CACNA2D1: variants seen among roughly 807,000 people sequenced by gnomAD.
CACNA2D1 encodes voltage-dependent calcium channel subunit alpha-2/delta-1.
CACNA2D1 carries 53 observed loss-of-function variants against 171.5 expected under a neutral mutation model. The ratio of observed to expected loss-of-function variants is 0.31; its 90% confidence interval spans 0.25 to 0.39. The LOEUF (loss-of-function observed/expected upper bound fraction) is 0.39, where lower values mean the gene tolerates loss of function less well. Among genes scored for constraint, CACNA2D1 ranks in the 10% least tolerant of loss-of-function variants. The pLI, the probability that CACNA2D1 is intolerant of heterozygous loss-of-function variation, is 1.00. For missense variants in CACNA2D1, 903 were observed against 1,299.8 expected, an observed-to-expected ratio of 0.69 and a Z score of 4.69; for synonymous variants, 442 against 443.1, an observed-to-expected ratio of 1.00 and a Z score of 0.03.
chr7:82,305,345 T>C (rs901326049), intron 3 of CACNA2D1, among the ~76,000 whole-genome samples: 4 of 152,198 alleles, frequency 2.6e-5, no homozygotes, highest in Non-Finnish European at 5.9e-5. Flanking sequence ...TATTTTGATA[T>C]GGCTATTCAG....
At chr7:82,109,595 CT>C (rs1478702372) in intron 6 of CACNA2D1, among the ~76,000 whole-genome samples, 1 of 151,082 alleles carries the variant, frequency 6.6e-6, no homozygotes, top group African/African-American at 2.4e-5. Context: ...AACAATGAAA[CT>C]ATCAAATAAA....
chr7:82,443,681 G>T lies in CACNA2D1; in HGVS notation c.-222C>A. On this transcript the variant is annotated 5_prime_UTR_variant, in exon 1 of 39. Coordinates refer to ENST00000356860, the MANE Select transcript of CACNA2D1 (RefSeq NM_000722.4). ...GCGGGCGGACCCACTAGCGTGCGTC[G>T]GCTGCTCCGCGCCGCGGCCGCCTTG... The T allele has an allele frequency of 8.0e-7, 1 of 1,242,300 alleles. No individual in the cohort carries two copies. Among genetic ancestry groups the T allele is most frequent in the Non-Finnish European group, 1.0e-6 (1 of 996,602 alleles). 77.0% of individuals were successfully genotyped at this position (1,242,300 alleles called of 1,614,324 possible). A position where few individuals can be genotyped will look rare whatever the true frequency, so the allele number is the denominator to read the frequency against.
At chr7:82,363,255 T>C (rs1054951230) in intron 1 of CACNA2D1, among the ~76,000 whole-genome samples, 16 of 22,938 alleles carry the variant, frequency 7.0e-4, no homozygotes, top group Non-Finnish European at 3.9e-4. Context: ...TATTTGTCTC[T>C]TTTTTTTTTT....
At chr7:82,093,754 A>C (rs1209150174) in intron 6 of CACNA2D1, among the ~76,000 whole-genome samples, 1 of 152,148 alleles carries the variant, frequency 6.6e-6, no homozygotes, top group Non-Finnish European at 1.5e-5. Context: ...AAAGAAATGA[A>C]ATTATATCAG....
At chr7:82,132,401 G>A (rs1791097532) in intron 5 of CACNA2D1, among the ~76,000 whole-genome samples, 1 of 152,098 alleles carries the variant, frequency 6.6e-6, no homozygotes, top group Admixed American at 6.5e-5. Flanking sequence ...TGTACACATG[G>A]GTCAAGGGTT....
intron 4 of CACNA2D1, among the ~76,000 whole-genome samples, chr7:82,162,254 A>G (rs1795018605): frequency 6.6e-6 from 1 of 152,050 alleles, no homozygotes; most frequent in African/African-American, 2.4e-5. Flanking sequence ...AGTATAAAAC[A>G]GCAAAGAAAT....
chr7:82,007,724 C>G lies in CACNA2D1; in HGVS notation c.1395G>C (p.Pro465=). 6.2e-7 allele frequency: 1 copy of G among 1,601,140 alleles called. No individual in the cohort carries two copies. Among genetic ancestry groups the G allele is most frequent in the South Asian group, 1.1e-5 (1 of 90,730 alleles). The part of the protein sequence containing the change: ...ELGLVITGTL[P]VFNITGQFEN... ...CAAATTGGCCGGTTATGTTGAAGAC[C>G]GGAAGAGTTCCAGTAATGACAAGTC... is the stretch of plus-strand genomic sequence containing the variant. Residue 465 remains proline (P), a synonymous_variant, in exon 16 of 39, where the codon CCG becomes CCC. Transcript: ENST00000356860.
chr7:82,361,791 C>T (rs542380485), intron 1 of CACNA2D1, among the ~76,000 whole-genome samples: 1 of 152,162 alleles, frequency 6.6e-6, no homozygotes, highest in East Asian at 1.9e-4. Context: ...TATTTAGTAT[C>T]ATATAATTTG....
At chr7:82,322,336 C>A (rs953641617) in intron 3 of CACNA2D1, among the ~76,000 whole-genome samples, 1 of 150,766 alleles carries the variant, frequency 6.6e-6, no homozygotes, top group Non-Finnish European at 1.5e-5. Flanking sequence ...GATTTTGGGC[C>A]GGGCATGGTG....
intron 12 of CACNA2D1, among the ~76,000 whole-genome samples, chr7:82,016,239 A>C (rs1471441250): frequency 2.0e-5 from 3 of 152,144 alleles, no homozygotes; most frequent in African/African-American, 7.2e-5. Flanking sequence ...TGACCACCCT[A>C]ACTGATAATT....
chr7:81,994,889 A>C lies in CACNA2D1; in HGVS notation c.1713T>G (p.Thr571=). The change falls in exon 20 of 39, where the codon ACT becomes ACG. Residue 571 remains threonine, a synonymous_variant. Coordinates refer to ENST00000356860, the MANE Select transcript of CACNA2D1 (RefSeq NM_000722.4). ...TTACCTCATCTTGAGATTTAACCAG[A>C]GTTCTGAATGTTTTTTCTCCACTTT... ...DGESGEKTFR[T]LVKSQDERYI... 1 of 1,527,208 alleles carries C rather than the reference A, an allele frequency of 6.5e-7. No homozygotes were observed. Among genetic ancestry groups the C allele is most frequent in the South Asian group, 1.1e-5 (1 of 89,102 alleles). 94.6% of individuals were successfully genotyped at this position (1,527,208 alleles called of 1,614,324 possible).
intron 24 of CACNA2D1, among the ~76,000 whole-genome samples, chr7:81,979,617 A>G (rs972608035): frequency 1.2e-4 from 19 of 152,148 alleles, no homozygotes; most frequent in African/African-American, 3.9e-4. Context: ...ATTGTTTGCT[A>G]TGTTAATATT....
chr7:82,005,531 G>C (rs896835415), intron 17 of CACNA2D1, 34 bp from the exon 18 acceptor site: 22 of 1,294,468 alleles, frequency 1.7e-5, no homozygotes, highest in Non-Finnish European at 2.4e-5. Context: ...GCTTGGATAT[G>C]CCTGAGTCAC....
intron 5 of CACNA2D1, among the ~76,000 whole-genome samples, chr7:82,119,276 G>A (rs184601933): frequency 1.3e-4 from 20 of 152,174 alleles, no homozygotes; most frequent in African/African-American, 4.1e-4. Context: ...ATGAGCAAGT[G>A]GATTCTGAAA....
chr7:82,301,895 T>A (rs1585403131), intron 3 of CACNA2D1, among the ~76,000 whole-genome samples: 1 of 151,750 alleles, frequency 6.6e-6, no homozygotes, highest in East Asian at 2.0e-4. Context: ...GTAGCTGGAA[T>A]TACGGGTGCC....
chr7:82,066,371 CTAA>C (rs1449536345), intron 8 of CACNA2D1, 81 bp downstream of exon 8: 49 of 1,530,452 alleles, frequency 3.2e-5, no homozygotes, highest in Non-Finnish European at 3.6e-5. Context: ...AATACTCATC[CTAA>C]TAATAAAAAA....
At chr7:82,397,764 T>C (rs140546699) in intron 1 of CACNA2D1, among the ~76,000 whole-genome samples, 7 of 152,344 alleles carry the variant, frequency 4.6e-5, no homozygotes, top group African/African-American at 1.4e-4. Flanking sequence ...CCATGCTCTG[T>C]GATAGGCGCT....
chr7:82,060,545 G>C lies in CACNA2D1; in HGVS notation c.780-18C>G. 1 of 1,418,208 alleles carries C rather than the reference G, an allele frequency of 7.1e-7. No individual in the cohort carries two copies. Among genetic ancestry groups the C allele is most frequent in the Non-Finnish European group, 1.0e-6 (1 of 1,004,772 alleles). The allele number at this position is 1,418,208 out of a possible 1,614,324, so 87.9% of individuals were successfully genotyped here. A position where few individuals can be genotyped will look rare whatever the true frequency, so the allele number is the denominator to read the frequency against. On this transcript the variant is annotated intron_variant, in intron 9 of 38. Transcript: ENST00000356860. Reference sequence around the variant, plus strand: ...TTCCACTCCTAGAAATAGACAAATGGGTCCATACATGTTACTCATCATGTA... The same window carrying C: ...TTCCACTCCTAGAAATAGACAAATGCGTCCATACATGTTACTCATCATGTA...
intron 5 of CACNA2D1, among the ~76,000 whole-genome samples, chr7:82,133,660 T>G (rs1225274345): frequency 6.6e-6 from 1 of 152,194 alleles, no homozygotes; most frequent in African/African-American, 2.4e-5. Flanking sequence ...AAAGGAAAAT[T>G]AAACTCCAAG....
Sources: allele counts gnomAD v4.1 joint callset (sites outside exome capture counted in the v4.1 genomes callset), GRCh38; gene constraint gnomAD v4.1.1; transcripts MANE v1.5; gene names NCBI Gene and HGNC (gene_info 2026-07-23, HGNC 2026-07-21).